The following CFAP92 variants were observed in gnomAD, a reference collection of about 807,000 sequenced individuals.
CFAP92 encodes uncharacterized protein CFAP92.
Under a neutral mutation model 106.3 loss-of-function variants are expected in CFAP92, and 86 were observed. The observed-to-expected ratio is 0.81, with a 90% CI of 0.68 to 0.97. The LOEUF is 0.97. Ranked by LOEUF, CFAP92 falls within the 50% of genes least tolerant of loss-of-function variation. The pLI is 0.00. For missense variants in CFAP92, 1,204 were observed against 1,283.8 expected (o/e 0.94, Z 0.95); for synonymous variants, 477 against 506.4 (o/e 0.94, Z 0.78).
chr3:129,005,294 C>T (rs1249403728), upstream of CFAP92, among the ~76,000 whole-genome samples: 2 of 152,180 alleles, frequency 1.3e-5, no homozygotes, highest in Non-Finnish European at 2.9e-5. Context: ...TAGGATGTTA[C>T]CGGGCCAGAT....
At chr3:128,912,121 A>AT (rs1936391635) in intron 15 of CFAP92, among the ~76,000 whole-genome samples, 1 of 152,010 alleles carries the variant, frequency 6.6e-6, no homozygotes. Context: ...GTGGCATATG[A>AT]TTTTTTGCAG....
intron 12 of CFAP92, among the ~76,000 whole-genome samples, chr3:128,920,426 T>A (rs1254419186): frequency 6.6e-6 from 1 of 152,072 alleles, no homozygotes; most frequent in Non-Finnish European, 1.5e-5. Flanking sequence ...TTAAAATAAT[T>A]ATGATTAATC....
chr3:128,915,482 T>TCTTCTCCTCTTC lies in CFAP92; in HGVS notation c.2986_2997dup (p.Glu996_Lys999dup). On this transcript the variant is annotated inframe_insertion, in exon 14 of 16. Transcript: ENST00000645291. ...GCCTGGCGGGATTTCTTCTGGGCTT[T>TCTTCTCCTCTTC]CTTCTCCTCTTCCTTCAAGTCCAGG... The TCTTCTCCTCTTC allele has an allele frequency of 6.5e-7, 1 of 1,536,160 alleles. No homozygotes were observed. The highest frequency in any genetic ancestry group is 8.7e-7 in the Non-Finnish European group (1 of 1,146,916).
chr3:128,924,657 G>T (rs1164923094), intron 12 of CFAP92, among the ~76,000 whole-genome samples: 1 of 151,470 alleles, frequency 6.6e-6, no homozygotes, highest in African/African-American at 2.4e-5. Flanking sequence ...ATGTTGGTCA[G>T]GCTAGTCCCG....
chr3:128,918,123 A>G (rs931702054), intron 12 of CFAP92, among the ~76,000 whole-genome samples: 4 of 152,196 alleles, frequency 2.6e-5, no homozygotes, highest in Admixed American at 6.5e-5. Flanking sequence ...CAAGCAAACT[A>G]ATTGTGAGGG....
chr3:129,019,764 C>CTTTTTTTTT, the CFAP92 span, among the ~76,000 whole-genome samples: 3 of 107,424 alleles, frequency 2.8e-5, no homozygotes, highest in East Asian at 3.0e-4. Context: ...ATTAAATTTA[C>CTTTTTTTTT]TTTTTTTTTT....
At chr3:128,958,763 T>C (rs1941640156) in intron 9 of CFAP92, among the ~76,000 whole-genome samples, 1 of 151,724 alleles carries the variant, frequency 6.6e-6, no homozygotes, top group African/African-American at 2.4e-5. Context: ...TAGCTGGGTG[T>C]GGTGGCGTGT....
At chr3:128,977,582 A>G (rs749779642) in intron 5 of CFAP92, among the ~76,000 whole-genome samples, 40 of 152,324 alleles carry the variant, frequency 2.6e-4, no homozygotes, top group Admixed American at 2.2e-3. Context: ...TTTTCGGACC[A>G]GGTGCAGTGG....
the CFAP92 span, among the ~76,000 whole-genome samples, chr3:129,008,888 G>T: frequency 6.6e-6 from 1 of 151,888 alleles, no homozygotes; most frequent in Non-Finnish European, 1.5e-5. Flanking sequence ...CCCACAGCTG[G>T]TCTCCACTCA....
chr3:129,008,598 C>T, the CFAP92 span, among the ~76,000 whole-genome samples: 1 of 152,078 alleles, frequency 6.6e-6, no homozygotes, highest in African/African-American at 2.4e-5. Flanking sequence ...GTGGACCAAT[C>T]CCCGTGCCAC....
the CFAP92 span, among the ~76,000 whole-genome samples, chr3:129,023,588 T>A: frequency 2.0e-5 from 3 of 152,308 alleles, no homozygotes; most frequent in Non-Finnish European, 4.4e-5. Context: ...CGCCTCGGCC[T>A]CCCAAAGTGC....
chr3:128,979,928 C>A, intron 4 of CFAP92, among the ~76,000 whole-genome samples: 1 of 119,520 alleles, frequency 8.4e-6, no homozygotes, highest in Admixed American at 9.2e-5. Context: ...CACATGTACC[C>A]TAAAACTTAA....
Position 128,976,920 on chromosome 3 carries a change from G to A in CFAP92, c.896+59C>T, listed in dbSNP as rs866864848. On this transcript the variant is annotated intron_variant, in intron 6 of 15. Coordinates refer to ENST00000645291, the MANE Select transcript of CFAP92 (RefSeq NM_001394090.1). Reference sequence around the variant, plus strand: ...ACTAAAAAACCTACCACGACTCATAGTAGGGCTAGTACAAGAGGGGCTCCA... The same window carrying A: ...ACTAAAAAACCTACCACGACTCATAATAGGGCTAGTACAAGAGGGGCTCCA... The A allele has an allele frequency of 9.0e-5, 119 of 1,318,562 alleles. No homozygotes were observed. In the African/African-American group the frequency reaches 1.3e-3, roughly 15 times the overall value. 81.7% of individuals were successfully genotyped at this position (1,318,562 alleles called of 1,614,324 possible). A position where few individuals can be genotyped will look rare whatever the true frequency, so the allele number is the denominator to read the frequency against.
At chr3:128,925,736 A>T (rs1937599690) in intron 12 of CFAP92, among the ~76,000 whole-genome samples, 1 of 152,206 alleles carries the variant, frequency 6.6e-6, no homozygotes, top group Non-Finnish European at 1.5e-5. Flanking sequence ...ATACAAAGAA[A>T]AACACACCTA....
chr3:128,987,130 C>T (rs1263064010), intron 4 of CFAP92, among the ~76,000 whole-genome samples: 1 of 152,076 alleles, frequency 6.6e-6, no homozygotes, highest in Admixed American at 6.5e-5. Context: ...CACCGCACTC[C>T]AGCCTGGGCG....
At chr3:128,942,669 A>G (rs1412400191) in intron 10 of CFAP92, among the ~76,000 whole-genome samples, 1 of 148,224 alleles carries the variant, frequency 6.7e-6, no homozygotes, top group East Asian at 2.1e-4. Flanking sequence ...TACACACCAC[A>G]AAACTCAATC....
At chr3:128,953,799 G>T (rs1394626272) in intron 9 of CFAP92, among the ~76,000 whole-genome samples, 2 of 122,564 alleles carry the variant, frequency 1.6e-5, no homozygotes, top group Non-Finnish European at 3.1e-5. Flanking sequence ...TGGAGACGGG[G>T]TTTCGCTGTG....
chr3:129,020,272 G>C, the CFAP92 span, among the ~76,000 whole-genome samples: 1 of 152,270 alleles, frequency 6.6e-6, no homozygotes, highest in Non-Finnish European at 1.5e-5. Flanking sequence ...TGCCTACTCT[G>C]TGCCAGGCAC....
the CFAP92 span, among the ~76,000 whole-genome samples, chr3:129,012,289 T>C: frequency 6.6e-6 from 1 of 152,204 alleles, no homozygotes; most frequent in Non-Finnish European, 1.5e-5. Context: ...GCATTTAGAA[T>C]GATGCCTGGC....
Sources: allele counts gnomAD v4.1 joint callset (sites outside exome capture counted in the v4.1 genomes callset), GRCh38; gene constraint gnomAD v4.1.1; transcripts MANE v1.5; gene names NCBI Gene and HGNC (gene_info 2026-07-23, HGNC 2026-07-21).